DCLRE1C: variants seen among roughly 807,000 people sequenced by gnomAD.
DCLRE1C encodes the protein DNA cross-link repair 1C.
DCLRE1C carries 47 observed loss-of-function variants against 61.4 expected under a neutral mutation model. The ratio of observed to expected loss-of-function variants is 0.77; its 90% CI spans 0.61 to 0.98. The LOEUF is 0.98. Ranked by LOEUF, DCLRE1C falls within the 50% of genes least tolerant of loss-of-function variation. The pLI, the probability that DCLRE1C is intolerant of heterozygous loss-of-function variation, is 0.00. For synonymous variants in DCLRE1C, 337 were observed against 287.6 expected, an observed-to-expected ratio of 1.17 and a Z score of -1.74; for missense variants, 858 against 816.0, an observed-to-expected ratio of 1.05 and a Z score of -0.63.
At chr10:14,902,998 C>G (rs894604603), downstream of DCLRE1C, 1 of 152,288 alleles carries the variant, frequency 6.6e-6, no homozygotes, top group Admixed American at 6.5e-5. Flanking sequence ...ATAGGTGATA[C>G]TGAATTTTAT....
At chr10:14,918,369 C>G (rs1215513321) in intron 13 of DCLRE1C, among the ~76,000 whole-genome samples, 1 of 152,026 alleles carries the variant, frequency 6.6e-6, no homozygotes, top group East Asian at 1.9e-4. Flanking sequence ...GTAAAATAAC[C>G]CAGACGTACT....
chr10:14,915,687 G>A (rs754306615), intron 13 of DCLRE1C, among the ~76,000 whole-genome samples: 10 of 150,572 alleles, frequency 6.6e-5, no homozygotes, highest in Non-Finnish European at 1.0e-4. Flanking sequence ...CCACCCAGAT[G>A]GCTTCACTGG....
intron 3 of DCLRE1C, among the ~76,000 whole-genome samples, chr10:14,943,581 C>G (rs1841212676): frequency 2.0e-5 from 3 of 152,122 alleles, no homozygotes; most frequent in African/African-American, 7.2e-5. Flanking sequence ...AAGATGGAGT[C>G]TCGCTCTGTC....
At chr10:14,899,454 A>T in intron 13 of DCLRE1C, 1 of 1,386,230 alleles carries the variant, frequency 7.2e-7, no homozygotes, top group South Asian at 1.3e-5. Context: ...AAATATTTGT[A>T]GGTATTCGCA....
rs1834546568 is a variant in DCLRE1C, at chr10:14,907,780, T to C, written c.*628A>G. 6.6e-6 allele frequency: 1 copy of C among 152,184 alleles called. No homozygotes were observed. The highest frequency in any genetic ancestry group is 2.4e-5 in the African/African-American group (1 of 41,442). The allele number at this position is 152,184 out of a possible 1,614,324, so 9.4% of individuals were successfully genotyped here. A position where few individuals can be genotyped will look rare whatever the true frequency, so the allele number is the denominator to read the frequency against. On this transcript the variant is annotated 3_prime_UTR_variant, in exon 14 of 14. Transcript: ENST00000378278. Reference sequence around the variant, plus strand: ...TTATGTTGGTTTTTTCCGTGTCTCTTGTCATTGATGCACTTAGACCATTTA... The same window carrying C: ...TTATGTTGGTTTTTTCCGTGTCTCTCGTCATTGATGCACTTAGACCATTTA...
intron 13 of DCLRE1C, chr10:14,911,057 G>A (rs1224759094): frequency 6.6e-6 from 1 of 152,232 alleles, no homozygotes; most frequent in African/African-American, 2.4e-5. Context: ...GTGCTGCACA[G>A]AAACTCTGAA....
intron 9 of DCLRE1C, among the ~76,000 whole-genome samples, chr10:14,930,682 C>G (rs1436384066): frequency 1.3e-5 from 2 of 152,134 alleles, no homozygotes; most frequent in Non-Finnish European, 2.9e-5. Context: ...ATCCACACGC[C>G]TCGGCCTCTT....
At chr10:14,899,188 G>A (rs775971463) in exon 14 of DCLRE1C, 1 of 701,814 alleles carries the variant, frequency 1.4e-6, no homozygotes, top group South Asian at 1.5e-5. Flanking sequence ...GGGCATGGCG[G>A]TATGCACCTG....
downstream of DCLRE1C, among the ~76,000 whole-genome samples, chr10:14,900,245 G>T (rs1358044548): frequency 1.3e-5 from 2 of 152,070 alleles, no homozygotes; most frequent in African/African-American, 2.4e-5. Context: ...CAGAATTCTG[G>T]ACTCTAAATA....
At chr10:14,911,878 C>A (rs935472387) in intron 13 of DCLRE1C, among the ~76,000 whole-genome samples, 7 of 152,110 alleles carry the variant, frequency 4.6e-5, no homozygotes, top group African/African-American at 1.4e-4. Context: ...AAATGCAAAT[C>A]AAAACTGCAG....
intron 9 of DCLRE1C, among the ~76,000 whole-genome samples, chr10:14,931,730 C>T (rs1355663218): frequency 6.6e-6 from 1 of 152,022 alleles, no homozygotes; most frequent in Non-Finnish European, 1.5e-5. Flanking sequence ...TATAAACACG[C>T]TCATGTCATG....
At chr10:14,932,477 A>C (rs1019176733) in intron 9 of DCLRE1C, among the ~76,000 whole-genome samples, 2 of 152,040 alleles carry the variant, frequency 1.3e-5, no homozygotes, top group East Asian at 3.9e-4. Context: ...TGTAGTAAAA[A>C]TAACAAAAAA....
intron 3 of DCLRE1C, chr10:14,942,100 T>C (rs1840949881): frequency 6.6e-6 from 1 of 152,198 alleles, no homozygotes; most frequent in Admixed American, 6.5e-5. Context: ...TAACAGCTAG[T>C]GAACATTGCT....
Position 14,905,878 on chromosome 10 carries a change from A to T in DCLRE1C, c.*2530T>A, listed in dbSNP as rs1238991447. Reference sequence around the variant, plus strand: ...ACACCTGTAATCCCAGCTACTTGGGAGGCTGAGGCAGGAAAATCACTTGAA... The same window carrying T: ...ACACCTGTAATCCCAGCTACTTGGGTGGCTGAGGCAGGAAAATCACTTGAA... On this transcript the variant is annotated 3_prime_UTR_variant, in exon 14 of 14. Transcript: ENST00000378278. Among the ~76,000 whole-genome samples, 1 of 152,150 alleles carries T rather than the reference A, an allele frequency of 6.6e-6. No homozygotes were observed. The highest frequency in any genetic ancestry group is 1.9e-4 in the East Asian group (1 of 5,192).
intron 3 of DCLRE1C, 91 bp downstream of exon 3, chr10:14,945,014 T>C: frequency 1.1e-6 from 1 of 894,378 alleles, no homozygotes. Context: ...AACTGAAGTA[T>C]GTTACAAACT....
intron 9 of DCLRE1C, among the ~76,000 whole-genome samples, chr10:14,931,980 G>A (rs1174913341): frequency 6.6e-6 from 1 of 152,190 alleles, no homozygotes; most frequent in Non-Finnish European, 1.5e-5. Flanking sequence ...GTTGCAGTGA[G>A]CCAAGATGGC....
downstream of DCLRE1C, chr10:14,902,435 G>A: frequency 6.2e-7 from 1 of 1,609,182 alleles, no homozygotes; most frequent in Non-Finnish European, 8.5e-7. Flanking sequence ...AGATTCTATT[G>A]ACCACAGCCC....
chr10:14,938,219 G>C (rs939415087), intron 4 of DCLRE1C, among the ~76,000 whole-genome samples: 1 of 152,222 alleles, frequency 6.6e-6, no homozygotes, highest in Non-Finnish European at 1.5e-5. Context: ...TCAGCCTGCT[G>C]TCGGCCCCCA....
intron 12 of DCLRE1C, among the ~76,000 whole-genome samples, chr10:14,921,903 A>G (rs1232063735): frequency 6.6e-6 from 1 of 151,566 alleles, no homozygotes; most frequent in African/African-American, 2.4e-5. Flanking sequence ...TCCAACCCAG[A>G]CCTCTCTCCA....
Sources: allele counts gnomAD v4.1 joint callset (sites outside exome capture counted in the v4.1 genomes callset), GRCh38; gene constraint gnomAD v4.1.1; transcripts MANE v1.5; gene names NCBI Gene and HGNC (gene_info 2026-07-23, HGNC 2026-07-21).